Variants in ZNF365 observed in about 807,000 individuals in gnomAD.
The protein encoded by ZNF365 is zinc finger protein 365, also known as protein ZNF365.
A neutral mutation model predicts 35.0 loss-of-function variants in ZNF365; 22 were observed. The ratio of observed to expected loss-of-function variants is 0.63; its 90% CI spans 0.45 to 0.90. ZNF365 has a LOEUF of 0.90. Among genes scored for constraint, ZNF365 ranks in the 40% least tolerant of loss-of-function variants. The pLI is 0.00. For synonymous variants in ZNF365, 188 were observed against 196.2 expected (o/e 0.96, Z 0.35); for missense variants, 448 against 500.3 (o/e 0.90, Z 1.00).
intron 4 of ZNF365, among the ~76,000 whole-genome samples, chr10:62,464,138 G>A (rs1840893047): frequency 6.6e-6 from 1 of 152,166 alleles, no homozygotes; most frequent in Non-Finnish European, 1.5e-5. Context: ...CACCTGTAGG[G>A]TGAGCATTAT....
chr10:62,426,737 C>G (rs752366546), intron 3 of ZNF365, among the ~76,000 whole-genome samples: 39 of 152,034 alleles, frequency 2.6e-4, no homozygotes, highest in Non-Finnish European at 4.0e-4. Flanking sequence ...GGGCTCTAAG[C>G]TATAGGGATG....
At chr10:62,379,683 G>T (rs910778147) in intron 2 of ZNF365, among the ~76,000 whole-genome samples, 1 of 152,130 alleles carries the variant, frequency 6.6e-6, no homozygotes, top group African/African-American at 2.4e-5. Flanking sequence ...AGAGGGAGCT[G>T]CCCACCTGTC....
At chr10:62,382,763 G>A (rs772094732) in intron 2 of ZNF365, among the ~76,000 whole-genome samples, 6 of 152,160 alleles carry the variant, frequency 3.9e-5, no homozygotes, top group Non-Finnish European at 8.8e-5. Flanking sequence ...CCCTGTGCTC[G>A]GAGGTGGTCG....
intron 3 of ZNF365, among the ~76,000 whole-genome samples, chr10:62,440,044 G>T (rs1290688507): frequency 2.0e-5 from 3 of 152,116 alleles, no homozygotes; most frequent in Non-Finnish European, 4.4e-5. Flanking sequence ...TTATCTAAGA[G>T]ACTGCTAAAT....
At chr10:62,464,364 A>G (rs1255387458) in intron 4 of ZNF365, among the ~76,000 whole-genome samples, 2 of 152,216 alleles carry the variant, frequency 1.3e-5, no homozygotes, top group East Asian at 3.8e-4. Context: ...ACGTAAGAGG[A>G]TTGTAACTAA....
In ZNF365 at chr10:62,402,242, A is replaced by G; in HGVS notation, c.*2453A>G. The G allele has an allele frequency of 1.0e-6, 1 of 985,822 alleles. No individual in the cohort carries two copies. Among genetic ancestry groups the G allele is most frequent in the South Asian group, 4.7e-5 (1 of 21,284 alleles). The allele number at this position is 985,822 out of a possible 1,614,324, so 61.1% of individuals were successfully genotyped here. A position where few individuals can be genotyped will look rare whatever the true frequency, so the allele number is the denominator to read the frequency against. On this transcript the variant is annotated 3_prime_UTR_variant, in exon 5 of 5. Transcript: ENST00000395254. ...ATTTTATTTGTCTTGTAGGGAAGAA[A>G]TCTTCCTTTGAACCGCTTTTCTTGC...
intron 4 of ZNF365, among the ~76,000 whole-genome samples, chr10:62,478,783 C>T (rs958917811): frequency 2.0e-4 from 30 of 152,152 alleles, no homozygotes; most frequent in Admixed American, 5.9e-4. Context: ...ACCATGTTAG[C>T]CAGGATGGTC....
chr10:62,448,652 T>C (rs1314754409), intron 3 of ZNF365, among the ~76,000 whole-genome samples: 1 of 152,180 alleles, frequency 6.6e-6, no homozygotes, highest in Non-Finnish European at 1.5e-5. Context: ...ATTATAGGTA[T>C]CTACCAAGTG....
Position 62,379,702 on chromosome 10 carries a change from AATACTGGGTTG to A in ZNF365, c.743+2769_743+2779del, listed in dbSNP as rs1839402760. 2.0e-5 allele frequency among the ~76,000 whole-genome samples: 3 copies of A among 152,280 alleles called. No individual in the cohort carries two copies. In the South Asian group the frequency reaches 6.2e-4, roughly 32 times the overall value. ...GGAGCTGCCCACCTGTCACACTGTT[AATACTGGGTTG>A]ATTTGACTGCATCTGCCTGGCTGGG... is the stretch of plus-strand genomic sequence containing the variant. On this transcript the variant is annotated intron_variant, in intron 2 of 4. Coordinates refer to ENST00000395254, the MANE Select transcript of ZNF365 (RefSeq NM_014951.3).
chr10:62,381,248 G>C (rs1369800562), intron 2 of ZNF365, among the ~76,000 whole-genome samples: 3 of 152,204 alleles, frequency 2.0e-5, no homozygotes, highest in Non-Finnish European at 4.4e-5. Flanking sequence ...AGGGCTGCTA[G>C]AGATGGCCCC....
intron 3 of ZNF365, among the ~76,000 whole-genome samples, chr10:62,437,832 TACTTTA>T (rs1300194936): frequency 6.6e-6 from 1 of 152,240 alleles, no homozygotes; most frequent in African/African-American, 2.4e-5. Context: ...TCTATCCACA[TACTTTA>T]AAGTAAGACA....
At chr10:62,397,517 T>A in intron 3 of ZNF365, among the ~76,000 whole-genome samples, 1 of 152,170 alleles carries the variant, frequency 6.6e-6, no homozygotes, top group East Asian at 1.9e-4. Context: ...ATGAGGAAGA[T>A]CAGGATCAGG....
At chr10:62,441,594 A>T (rs1840502331) in intron 3 of ZNF365, among the ~76,000 whole-genome samples, 1 of 152,062 alleles carries the variant, frequency 6.6e-6, no homozygotes, top group African/African-American at 2.4e-5. Context: ...GCCTGGTAAT[A>T]CAGCTCCATG....
At chr10:62,427,831 G>A (rs1840273514) in intron 3 of ZNF365, among the ~76,000 whole-genome samples, 1 of 152,158 alleles carries the variant, frequency 6.6e-6, no homozygotes, top group Admixed American at 6.5e-5. Context: ...GATCTTCTCT[G>A]TTTCTGTTGT....
intron 3 of ZNF365, among the ~76,000 whole-genome samples, chr10:62,456,007 C>G (rs761643310): frequency 4.6e-5 from 7 of 152,202 alleles, no homozygotes; most frequent in Non-Finnish European, 7.3e-5. Flanking sequence ...TGACTCCTGA[C>G]ACTCCACTAC....
At chr10:62,422,897 T>A (rs1223775386) in intron 3 of ZNF365, among the ~76,000 whole-genome samples, 1 of 152,180 alleles carries the variant, frequency 6.6e-6, no homozygotes, top group East Asian at 1.9e-4. Flanking sequence ...ACAGACTCCC[T>A]TGGCACCTAC....
intron 3 of ZNF365, among the ~76,000 whole-genome samples, chr10:62,424,416 C>T (rs1405670015): frequency 6.6e-6 from 1 of 152,112 alleles, no homozygotes; most frequent in Non-Finnish European, 1.5e-5. Flanking sequence ...ATTAACTTCC[C>T]TCCTATGCAT....
At chr10:62,388,263 T>G in intron 2 of ZNF365, 133 bp from the exon 3 acceptor site, 1 of 861,580 alleles carries the variant, frequency 1.2e-6, no homozygotes, top group South Asian at 1.7e-5. Context: ...GGTGATTACC[T>G]CTCTCGTCAT....
intron 4 of ZNF365, among the ~76,000 whole-genome samples, chr10:62,468,324 A>G (rs1456813265): frequency 1.3e-5 from 2 of 152,238 alleles, no homozygotes; most frequent in Non-Finnish European, 2.9e-5. Context: ...ATGAATATAT[A>G]TGAAGGGACA....
Sources: allele counts gnomAD v4.1 joint callset (sites outside exome capture counted in the v4.1 genomes callset), GRCh38; gene constraint gnomAD v4.1.1; transcripts MANE v1.5; gene names NCBI Gene and HGNC (gene_info 2026-07-23, HGNC 2026-07-21).